Variants in CCDC110 observed in about 807,000 individuals in gnomAD.
CCDC110 encodes the protein coiled-coil domain-containing protein 110.
A neutral mutation model predicts 77.1 loss-of-function variants in CCDC110; 70 were observed. That is an observed-to-expected ratio of 0.91 (90% CI 0.75 to 1.11). The LOEUF is 1.11. Among genes scored for constraint, CCDC110 ranks in the 50% least tolerant of loss-of-function variants. The pLI is 0.00. For missense variants in CCDC110, 868 were observed against 942.9 expected (o/e 0.92, Z 1.04); for synonymous variants, 295 against 312.5 (o/e 0.94, Z 0.59).
chr4:185,471,048 T>C lies in CCDC110; in HGVS notation c.12A>G (p.Glu4=). ...CTTCATCCTCTTCCCGGTGCTGCTTTTCTGTAACAGAACCGTCCGGGGCTG... is the reference window on the plus strand; with the variant it reads ...CTTCATCCTCTTCCCGGTGCTGCTTCTCTGTAACAGAACCGTCCGGGGCTG... The part of the protein sequence containing the change: MSP[E]KQHREEDEVD... Residue 4 remains glutamate, a splice_region_variant and synonymous_variant, in exon 2 of 7, where the codon GAA becomes GAG. Transcript: ENST00000307588. 6.4e-7 allele frequency: 1 copy of C among 1,562,842 alleles called. No individual in the cohort carries two copies. The highest frequency in any genetic ancestry group is 8.6e-7 in the Non-Finnish European group (1 of 1,161,820).
Position 185,465,253 on chromosome 4 carries a change from T to C in CCDC110, c.116-2204A>G, listed in dbSNP as rs1040069129. ...CTACAGGAATAGCTTCCTTTTTCTGTACAGATTTCCTTTCATTAGGAGGAT... is the reference window on the plus strand; with the variant it reads ...CTACAGGAATAGCTTCCTTTTTCTGCACAGATTTCCTTTCATTAGGAGGAT... On this transcript the variant is annotated intron_variant, in intron 2 of 6. Transcript: ENST00000307588. Among the ~76,000 whole-genome samples, 6 of 152,346 alleles carry C rather than the reference T, an allele frequency of 3.9e-5. No homozygotes were observed. The East Asian group carries it at 1.2e-3, about 29-fold the overall frequency.
intron 6 of CCDC110, among the ~76,000 whole-genome samples, chr4:185,451,917 T>C (rs2095629800): frequency 6.6e-6 from 1 of 152,212 alleles, no homozygotes. Flanking sequence ...TAAGCAGTAG[T>C]GTGACAATTG....
chr4:185,458,860 GT>G lies in CCDC110; in HGVS notation c.1726del (p.Thr576ProfsTer5), dbSNP rs757799443. ...TTCATCTTGTATCAACAGAATATTG[GT>G]TTTCATTGCTTCCATTTCTATACTC... ...RMSIEMEAMK[T>X]NILLIQDEKE... On this transcript the variant is annotated frameshift_variant, in exon 6 of 7. Transcript: ENST00000307588. LOFTEE classifies it high-confidence loss of function. 6.2e-7 allele frequency: 1 copy of G among 1,603,700 alleles called. No individual in the cohort carries two copies. Among genetic ancestry groups the G allele is most frequent in the Non-Finnish European group, 8.5e-7 (1 of 1,177,478 alleles).
At chr4:185,463,825 T>C (rs1224236062) in intron 2 of CCDC110, among the ~76,000 whole-genome samples, 2 of 152,216 alleles carry the variant, frequency 1.3e-5, no homozygotes, top group Non-Finnish European at 2.9e-5. Flanking sequence ...CACCCACTAC[T>C]GAGGCTGATC....
At chr4:185,454,919 C>T (rs1472839137) in intron 6 of CCDC110, among the ~76,000 whole-genome samples, 1 of 152,012 alleles carries the variant, frequency 6.6e-6, no homozygotes, top group African/African-American at 2.4e-5. Context: ...TGTACCACCC[C>T]ACCCAGCTAA....
chr4:185,448,321 A>G (rs2095620734), intron 6 of CCDC110, among the ~76,000 whole-genome samples: 1 of 152,206 alleles, frequency 6.6e-6, no homozygotes, highest in Non-Finnish European at 1.5e-5. Context: ...GGCGTGAGCC[A>G]CTGCGCCCGG....
At chr4:185,460,388 T>C in intron 5 of CCDC110, 150 bp from the exon 6 acceptor site, 2 of 584,408 alleles carry the variant, frequency 3.4e-6, no homozygotes, top group Admixed American at 7.0e-5. Context: ...GTATGATTTA[T>C]TTTCTCCAAC....
Position 185,459,598 on chromosome 4 carries a change from GAC to G in CCDC110, c.987_988del (p.Ser330LysfsTer8), listed in dbSNP as rs760313123. On this transcript the variant is annotated frameshift_variant, in exon 6 of 7. Transcript: ENST00000307588. LOFTEE classifies it high-confidence loss of function. ...TCTACAAAAATGCACATGGAATTTT[GAC>G]ACAGTTTCCCTGAAGGGGAGTAATT... 20 of 1,613,086 alleles carry G rather than the reference GAC, an allele frequency of 1.2e-5. No homozygotes were observed. The highest frequency in any genetic ancestry group is 1.6e-5 in the Non-Finnish European group (19 of 1,179,748).
intron 4 of CCDC110, among the ~76,000 whole-genome samples, chr4:185,462,245 A>G (rs895984125): frequency 6.6e-6 from 1 of 152,206 alleles, no homozygotes; most frequent in Non-Finnish European, 1.5e-5. Flanking sequence ...TATTTTGACG[A>G]CACAAGACCT....
Position 185,462,983 on chromosome 4 carries a change from T to C in CCDC110, c.171+11A>G, listed in dbSNP as rs1239733111. On this transcript the variant is annotated intron_variant, in intron 3 of 6. Coordinates refer to ENST00000307588, the MANE Select transcript of CCDC110 (RefSeq NM_152775.4). ...GAATTTTGGAGATGATAAAATGGAA[T>C]ATAGACTCACTTTCAATGCTGATTG... 1.2e-6 allele frequency: 2 copies of C among 1,608,272 alleles called. No individual in the cohort carries two copies. Among genetic ancestry groups the C allele is most frequent in the Non-Finnish European group, 1.7e-6 (2 of 1,174,854 alleles).
intron 1 of CCDC110, 141 bp downstream of exon 1, chr4:185,471,533 G>C (rs369497539): frequency 1.1e-6 from 1 of 948,166 alleles, no homozygotes; most frequent in Non-Finnish European, 1.6e-6. Flanking sequence ...CCCTAGGGCC[G>C]AGCGGGAGAT....
chr4:185,445,687 TA>T (rs1165027588), intron 6 of CCDC110, 145 bp from the exon 7 acceptor site: 1 of 565,708 alleles, frequency 1.8e-6, no homozygotes, highest in African/African-American at 1.9e-5. Context: ...TTCTTTGGAG[TA>T]AAAACAATCA....
chr4:185,470,734 T>C (rs766384254), intron 2 of CCDC110: 10 of 643,172 alleles, frequency 1.6e-5, no homozygotes, highest in Non-Finnish European at 2.9e-5. Context: ...ATGGGGATCG[T>C]GGTAGCACCC....
At chr4:185,471,588 C>A in intron 1 of CCDC110, 86 bp downstream of exon 1, 1 of 1,450,990 alleles carries the variant, frequency 6.9e-7, no homozygotes, top group South Asian at 1.3e-5. Flanking sequence ...CCCGGGTTTT[C>A]GAGCGGGGAG....
At chr4:185,471,489 A>G (rs1332682816) in intron 1 of CCDC110, 185 bp downstream of exon 1, 15 of 602,212 alleles carry the variant, frequency 2.5e-5, no homozygotes, top group Non-Finnish European at 3.5e-5. Context: ...CCTGTAAGCC[A>G]CAGCGGACGC....
At chr4:185,456,359 A>C (rs1429074481) in intron 6 of CCDC110, among the ~76,000 whole-genome samples, 1 of 138,160 alleles carries the variant, frequency 7.2e-6, no homozygotes, top group Non-Finnish European at 1.6e-5. Flanking sequence ...GAAACTAGGG[A>C]AGGAGCCAAG....
chr4:185,463,072 C>T, intron 2 of CCDC110, 23 bp from the exon 3 acceptor site: 1 of 1,589,228 alleles, frequency 6.3e-7, no homozygotes, highest in East Asian at 2.2e-5. Context: ...ATTGAAAAAC[C>T]ATGTGACTTA....
chr4:185,466,229 G>T (rs532760118), intron 2 of CCDC110, among the ~76,000 whole-genome samples: 1 of 152,148 alleles, frequency 6.6e-6, no homozygotes, highest in Admixed American at 6.5e-5. Flanking sequence ...CAAAAAATTT[G>T]CTGGGTGTGG....
At chr4:185,463,880 G>A (rs2095650817) in intron 2 of CCDC110, among the ~76,000 whole-genome samples, 1 of 152,150 alleles carries the variant, frequency 6.6e-6, no homozygotes, top group African/African-American at 2.4e-5. Context: ...GTTGCATCCG[G>A]TGCTTGACTG....
Sources: allele counts gnomAD v4.1 joint callset (sites outside exome capture counted in the v4.1 genomes callset), GRCh38; gene constraint gnomAD v4.1.1; transcripts MANE v1.5; gene names NCBI Gene and HGNC (gene_info 2026-07-23, HGNC 2026-07-21).